Variants in CDC42SE2 observed in about 807,000 individuals in gnomAD.
CDC42SE2 encodes the protein CDC42 small effector 2.
A neutral mutation model predicts 11.5 loss-of-function variants in CDC42SE2; 3 were observed. The observed-to-expected ratio is 0.26, with a 90% CI of 0.12 to 0.67. The LOEUF is 0.67. CDC42SE2 is among the 30% of genes least tolerant of loss of function. The pLI, the probability that CDC42SE2 is intolerant of heterozygous loss-of-function variation, is 0.80. For missense variants in CDC42SE2, 82 were observed against 106.8 expected (o/e 0.77, Z 1.02); for synonymous variants, 33 against 34.8 (o/e 0.95, Z 0.18).
At chr5:131,387,570 G>A (rs570846109) in intron 4 of CDC42SE2, among the ~76,000 whole-genome samples, 2 of 152,090 alleles carry the variant, frequency 1.3e-5, no homozygotes, top group Non-Finnish European at 2.9e-5. Context: ...AAATCCAACC[G>A]TATAGGAGGA....
chr5:131,304,126 A>G (rs1204685773), intron 1 of CDC42SE2, among the ~76,000 whole-genome samples: 1 of 151,814 alleles, frequency 6.6e-6, no homozygotes, highest in Non-Finnish European at 1.5e-5. Context: ...TGCCAGGCTA[A>G]TTTATTATTA....
At position 131,254,824 on chromosome 5, in the gene CDC42SE2, T is replaced by G. The variant is rs551664251; in HGVS notation, n.108-271T>G. Among the ~76,000 whole-genome samples, 7 of 152,354 alleles carry G rather than the reference T, an allele frequency of 4.6e-5. No homozygotes were observed. The East Asian group carries it at 9.6e-4, about 21-fold the overall frequency. ...CCAACATGCTTTCTACAGTGCAAGA[T>G]AGATTTTTGTTTTAACCTAGTTATC... On this transcript the variant is annotated intron_variant and non_coding_transcript_variant, in intron 1 of 3. Transcript: ENST00000502840.
At chr5:131,358,635 G>A (rs953370842) in intron 2 of CDC42SE2, among the ~76,000 whole-genome samples, 3 of 152,146 alleles carry the variant, frequency 2.0e-5, no homozygotes, top group Non-Finnish European at 2.9e-5. Flanking sequence ...TGGTAGGAGT[G>A]GTGGGAGTGG....
chr5:131,386,587 C>T (rs548053076), intron 4 of CDC42SE2, among the ~76,000 whole-genome samples: 109 of 152,216 alleles, frequency 7.2e-4, no homozygotes, highest in Non-Finnish European at 1.0e-3. Flanking sequence ...TCAGAATAGG[C>T]TTTAGATCTA....
chr5:131,260,795 G>A (rs1045475631), upstream of CDC42SE2, among the ~76,000 whole-genome samples: 7 of 152,092 alleles, frequency 4.6e-5, no homozygotes, highest in South Asian at 2.1e-4. Flanking sequence ...TTAGCCGGGC[G>A]TGGTGGCAGG....
intron 1 of CDC42SE2, among the ~76,000 whole-genome samples, chr5:131,292,863 G>A (rs1397699065): frequency 8.1e-6 from 1 of 124,142 alleles, no homozygotes; most frequent in African/African-American, 3.2e-5. Context: ...AGTGAGCTGA[G>A]ATTGCACCCA....
intron 1 of CDC42SE2, among the ~76,000 whole-genome samples, chr5:131,290,137 G>C (rs1033412336): frequency 2.6e-5 from 4 of 152,064 alleles, no homozygotes; most frequent in African/African-American, 9.7e-5. Context: ...GTGAGCTACT[G>C]TGTCTGGCCT....
chr5:131,386,034 C>G (rs1223771129), intron 4 of CDC42SE2, among the ~76,000 whole-genome samples: 1 of 152,128 alleles, frequency 6.6e-6, no homozygotes, highest in Non-Finnish European at 1.5e-5. Flanking sequence ...AGTTAGTTGC[C>G]TTTTGCACAC....
At chr5:131,322,414 C>A (rs994968653) in intron 2 of CDC42SE2, among the ~76,000 whole-genome samples, 14 of 152,258 alleles carry the variant, frequency 9.2e-5, no homozygotes, top group Admixed American at 8.5e-4. Flanking sequence ...TGGAATCATA[C>A]AGTATTTATG....
intron 2 of CDC42SE2, among the ~76,000 whole-genome samples, chr5:131,342,744 G>A (rs551501366): frequency 6.7e-5 from 10 of 150,266 alleles, no homozygotes; most frequent in South Asian, 4.2e-4. Flanking sequence ...ATAGATTCTC[G>A]CTCTATTACT....
chr5:131,238,735 A>G, the CDC42SE2 span, among the ~76,000 whole-genome samples: 2 of 152,024 alleles, frequency 1.3e-5, no homozygotes, highest in Non-Finnish European at 2.9e-5. Flanking sequence ...TAAGTAGCTC[A>G]TTGAATTTTT....
chr5:131,385,930 T>C (rs1295807955), intron 4 of CDC42SE2, among the ~76,000 whole-genome samples: 2 of 152,266 alleles, frequency 1.3e-5, no homozygotes, highest in Non-Finnish European at 2.9e-5. Context: ...GAGTTCAGAA[T>C]GGAGGTTAAT....
chr5:131,244,672 C>T (rs771966745), upstream of CDC42SE2, among the ~76,000 whole-genome samples: 16 of 152,074 alleles, frequency 1.1e-4, no homozygotes, highest in Non-Finnish European at 1.9e-4. Context: ...GATCATGCCA[C>T]AGTACCGCAG....
At chr5:131,284,358 A>G (rs1299740107) in intron 1 of CDC42SE2, among the ~76,000 whole-genome samples, 1 of 152,238 alleles carries the variant, frequency 6.6e-6, no homozygotes, top group Non-Finnish European at 1.5e-5. Context: ...TATATCTTTT[A>G]TTAGTAATTC....
intron 1 of CDC42SE2, among the ~76,000 whole-genome samples, chr5:131,294,517 CATTCT>C (rs1168261307): frequency 3.9e-5 from 6 of 152,142 alleles, no homozygotes; most frequent in African/African-American, 1.4e-4. Flanking sequence ...TGGAGCCCTA[CATTCT>C]AGTTGATGTA....
chr5:131,353,938 A>G (rs1048964457), intron 2 of CDC42SE2, among the ~76,000 whole-genome samples: 10 of 151,716 alleles, frequency 6.6e-5, no homozygotes, highest in Non-Finnish European at 1.5e-4. Context: ...TCGTTTAAAA[A>G]TACATACAAA....
At chr5:131,337,920 G>A (rs1249673301) in intron 2 of CDC42SE2, among the ~76,000 whole-genome samples, 1 of 152,230 alleles carries the variant, frequency 6.6e-6, no homozygotes, top group Non-Finnish European at 1.5e-5. Context: ...CACTTCCGGG[G>A]TGAGGCGATG....
chr5:131,288,254 A>G (rs1416255363), intron 1 of CDC42SE2, among the ~76,000 whole-genome samples: 1 of 152,134 alleles, frequency 6.6e-6, no homozygotes, highest in Non-Finnish European at 1.5e-5. Flanking sequence ...TAATGTTTAA[A>G]AATAGTATGT....
chr5:131,237,550 T>C, the CDC42SE2 span, among the ~76,000 whole-genome samples: 3 of 152,208 alleles, frequency 2.0e-5, no homozygotes, highest in Admixed American at 2.0e-4. Flanking sequence ...TGTTTGGACA[T>C]ACATACATCA....
Sources: allele counts gnomAD v4.1 joint callset (sites outside exome capture counted in the v4.1 genomes callset), GRCh38; gene constraint gnomAD v4.1.1; transcripts MANE v1.5; gene names NCBI Gene and HGNC (gene_info 2026-07-23, HGNC 2026-07-21).